The following CLVS1 variants were observed in gnomAD, a reference collection of about 807,000 sequenced individuals.
The protein encoded by CLVS1 is clavesin-1.
CLVS1 carries 10 observed loss-of-function variants against 33.1 expected under a neutral mutation model. The observed-to-expected ratio is 0.30, with a 90% CI of 0.19 to 0.51. CLVS1 has a LOEUF of 0.51. CLVS1 is among the 20% of genes least tolerant of loss of function. The pLI, the probability that CLVS1 is intolerant of heterozygous loss-of-function variation, is 0.97. For missense variants in CLVS1, 343 were observed against 433.4 expected (o/e 0.79, Z 1.85); for synonymous variants, 163 against 166.1 (o/e 0.98, Z 0.14).
the CLVS1 span, among the ~76,000 whole-genome samples, chr8:60,972,345 A>C: frequency 2.6e-5 from 4 of 152,186 alleles, no homozygotes; most frequent in African/African-American, 9.6e-5. Flanking sequence ...GGCCAAACTA[A>C]CTCTGGGAAA....
chr8:61,323,410 A>G (rs1170784228), intron 2 of CLVS1, among the ~76,000 whole-genome samples: 2 of 152,190 alleles, frequency 1.3e-5, no homozygotes, highest in Non-Finnish European at 1.5e-5. Context: ...CTCTTGAGGG[A>G]GGAATTGCAA....
intron 1 of CLVS1, among the ~76,000 whole-genome samples, chr8:61,094,251 T>A (rs1215407142): frequency 6.6e-6 from 1 of 152,150 alleles, no homozygotes; most frequent in African/African-American, 2.4e-5. Context: ...CATGTTTTCA[T>A]CTCTCTTATT....
intron 5 of CLVS1, among the ~76,000 whole-genome samples, chr8:61,469,355 G>T (rs1196558497): frequency 6.6e-6 from 1 of 152,124 alleles, no homozygotes. Context: ...CTTATGTTCT[G>T]TAAATACCCC....
chr8:61,120,456 T>C, intron 1 of CLVS1, among the ~76,000 whole-genome samples: 1 of 129,744 alleles, frequency 7.7e-6, no homozygotes, highest in African/African-American at 3.2e-5. Flanking sequence ...GCTCTGCATT[T>C]TAGAGTTTCC....
chr8:61,352,599 A>ACATGG (rs1812514598), intron 2 of CLVS1, among the ~76,000 whole-genome samples: 1 of 152,010 alleles, frequency 6.6e-6, no homozygotes, highest in Non-Finnish European at 1.5e-5. Context: ...AAAAAAATAG[A>ACATGG]CATGGCTGTA....
chr8:61,481,832 C>A lies in CLVS1; in HGVS notation c.978-17623C>A, dbSNP rs566716565. ...TGCAGACTTAAATGTCCCTGTCTGA[C>A]AGCTTTGAAGAGAGGAGTGGTTCTC... On this transcript the variant is annotated intron_variant, in intron 5 of 5. Transcript: ENST00000325897. 2.0e-5 allele frequency among the ~76,000 whole-genome samples: 3 copies of A among 152,316 alleles called. No homozygotes were observed. In the East Asian group the frequency reaches 5.8e-4, roughly 29 times the overall value.
intron 3 of CLVS1, among the ~76,000 whole-genome samples, chr8:61,396,549 C>T (rs1330382327): frequency 1.3e-5 from 2 of 152,102 alleles, no homozygotes; most frequent in African/African-American, 2.4e-5. Context: ...AATTCATATG[C>T]CATGTAAGAC....
rs1488955602 is a variant in CLVS1 at position 61,500,942 on chromosome 8, C to CATCA, written c.*1401_*1404dup. Reference sequence around the variant, plus strand: ...TATTACTAATCTTAATTATTTATTACATCATCTCTTTCTCAATGGATCTAA... The same window carrying CATCA: ...TATTACTAATCTTAATTATTTATTACATCAATCATCTCTTTCTCAATGGATCTAA... On this transcript the variant is annotated 3_prime_UTR_variant, in exon 6 of 6. Transcript: ENST00000325897. 1 of 152,068 alleles carries CATCA rather than the reference C, an allele frequency of 6.6e-6. No individual in the cohort carries two copies. The highest frequency in any genetic ancestry group is 1.5e-5 in the Non-Finnish European group (1 of 67,998). 9.4% of individuals were successfully genotyped at this position (152,068 alleles called of 1,614,324 possible).
the CLVS1 span, among the ~76,000 whole-genome samples, chr8:60,974,280 C>T: frequency 6.6e-6 from 1 of 152,202 alleles, no homozygotes; most frequent in Non-Finnish European, 1.5e-5. Context: ...GCCAGCAGCT[C>T]TGTTTGTGAA....
intron 2 of CLVS1, among the ~76,000 whole-genome samples, chr8:61,147,287 A>G (rs1406704442): frequency 1.3e-5 from 2 of 152,224 alleles, no homozygotes; most frequent in African/African-American, 2.4e-5. Flanking sequence ...GCCTCACTCA[A>G]TGAAACAGAA....
At chr8:61,091,360 T>C (rs750677158) in intron 1 of CLVS1, among the ~76,000 whole-genome samples, 3 of 152,232 alleles carry the variant, frequency 2.0e-5, no homozygotes, top group Non-Finnish European at 4.4e-5. Context: ...CCTCTAAGAC[T>C]CTAAGACAAC....
rs556266244 is a variant in CLVS1 at position 61,246,965 on chromosome 8, C to A, written c.-151-52712C>A. On this transcript the variant is annotated intron_variant, in intron 2 of 2. Transcript: ENST00000522621. ...TGCTCCTCTCCCTCTTCCCACCCTC[C>A]CCACTCAAGCAGACCCCAGTGTCTG... Among the ~76,000 whole-genome samples, 29 of 152,234 alleles carry A rather than the reference C, an allele frequency of 1.9e-4. No individual in the cohort carries two copies. The South Asian group carries it at 6.0e-3, about 32-fold the overall frequency.
rs192014079 is a variant in CLVS1, at chr8:61,189,761, C to T, written c.-152+57901C>T. Among the ~76,000 whole-genome samples, 394 of 152,206 alleles carry T rather than the reference C, an allele frequency of 2.6e-3. 1 individual carries two copies. Among genetic ancestry groups the T allele is most frequent in the Admixed American group, 4.5e-3 (69 of 15,280 alleles). ...AAACAGACTTTAAATCAACAAAGAT[C>T]AAAAGAGACAAAGAAGTCCATTACA... On this transcript the variant is annotated intron_variant, in intron 2 of 2. Coordinates refer to the CLVS1 transcript ENST00000522621.
intron 2 of CLVS1, among the ~76,000 whole-genome samples, chr8:61,346,412 C>T (rs1009293558): frequency 1.3e-5 from 2 of 152,088 alleles, no homozygotes; most frequent in African/African-American, 2.4e-5. Flanking sequence ...GTTGAGGAAA[C>T]TAAATCGGGT....
At chr8:61,147,269 A>G (rs916815011) in intron 2 of CLVS1, among the ~76,000 whole-genome samples, 1 of 152,220 alleles carries the variant, frequency 6.6e-6, no homozygotes, top group Non-Finnish European at 1.5e-5. Flanking sequence ...TCCAGACCTC[A>G]GCTTGAAGCC....
intron 4 of CLVS1, 137 bp from the exon 5 acceptor site, chr8:61,458,170 C>T (rs1307971702): frequency 4.7e-6 from 3 of 642,696 alleles, no homozygotes; most frequent in Non-Finnish European, 5.4e-6. Context: ...GCTACAGTCA[C>T]AAAATCAATG....
At chr8:61,223,972 T>TA (rs75571041) in intron 2 of CLVS1, among the ~76,000 whole-genome samples, 38,572 of 151,716 alleles carry the variant, frequency 0.25, 5,879 homozygotes, top group East Asian at 0.7. Context: ...GGTTAATACT[T>TA]ATGTATGCTT....
rs1181908561 is a variant in CLVS1, at chr8:61,143,744, ATATATATAATATGAATATAT to A, written c.-152+11898_-152+11917del. ...CTTTGCTGTGCTCTTATTTAAATTCATATATATAATATGAATATATTATATATAATATGTACATATTATAT... is the reference window on the plus strand; with the variant it reads ...CTTTGCTGTGCTCTTATTTAAATTCATATATATAATATGTACATATTATAT... On this transcript the variant is annotated intron_variant, in intron 2 of 2. Coordinates refer to the CLVS1 transcript ENST00000522621. Among the ~76,000 whole-genome samples, 5 of 146,010 alleles carry A rather than the reference ATATATATAATATGAATATAT, an allele frequency of 3.4e-5. No individual in the cohort carries two copies. In the East Asian group the frequency reaches 7.9e-4, roughly 23 times the overall value.
At chr8:61,098,515 A>C (rs1422997362) in intron 1 of CLVS1, among the ~76,000 whole-genome samples, 3 of 152,046 alleles carry the variant, frequency 2.0e-5, no homozygotes, top group Middle Eastern at 3.4e-3. Context: ...TAGAGCTTTT[A>C]ATTATGCATA....
Sources: gnomAD v4.1 joint callset for allele counts (sites outside exome capture counted in the v4.1 genomes callset) on GRCh38, gnomAD v4.1.1 for gene constraint, MANE v1.5 for transcripts, NCBI Gene and HGNC (gene_info 2026-07-23, HGNC 2026-07-21) for gene names.